The following CNTNAP2 variants were observed in gnomAD, a reference collection of about 807,000 sequenced individuals.
The protein encoded by CNTNAP2 is contactin-associated protein-like 2.
Under a neutral mutation model 155.2 loss-of-function variants are expected in CNTNAP2, and 98 were observed. The ratio of observed to expected loss-of-function variants is 0.63; its 90% CI spans 0.54 to 0.75. CNTNAP2 has a LOEUF of 0.75. CNTNAP2 is among the 30% of genes least tolerant of loss of function. The probability of loss-of-function intolerance (pLI) is 0.00; values close to 1 mark genes in which losing one functional copy is unlikely to be tolerated. For missense variants in CNTNAP2, 1,727 were observed against 1,688.1 expected, an observed-to-expected ratio of 1.02 and a Z score of -0.40; for synonymous variants, 651 against 631.2, an observed-to-expected ratio of 1.03 and a Z score of -0.47.
Position 146,438,971 on chromosome 7 carries a change from A to G in CNTNAP2, c.97+321998A>G, listed in dbSNP as rs545003522. On this transcript the variant is annotated intron_variant, in intron 1 of 23. Transcript: ENST00000361727. ...TTCAGGCTATTTTCATACCTTAAGA[A>G]GTTTTCTTTTCTAATTTATTCATGT... Among the ~76,000 whole-genome samples the G allele has an allele frequency of 8.6e-5, 13 of 151,694 alleles. No homozygotes were observed. In the East Asian group the frequency reaches 2.3e-3, roughly 27 times the overall value.
rs528555649 is a variant in CNTNAP2, at chr7:147,943,969, G to T, written c.2256-33893G>T. On this transcript the variant is annotated intron_variant, in intron 14 of 23. Coordinates refer to ENST00000361727, the MANE Select transcript of CNTNAP2 (RefSeq NM_014141.6). Reference sequence around the variant, plus strand: ...AGGTACTCTAGCTAGCATCTCCATCGTTCAACTGTACCCCAGTATATCAAC... The same window carrying T: ...AGGTACTCTAGCTAGCATCTCCATCTTTCAACTGTACCCCAGTATATCAAC... Among the ~76,000 whole-genome samples the T allele has an allele frequency of 2.0e-5, 3 of 152,040 alleles. No homozygotes were observed. The South Asian group carries it at 6.2e-4, about 32-fold the overall frequency.
chr7:147,795,242 T>C (rs1232760030), intron 13 of CNTNAP2, among the ~76,000 whole-genome samples: 1 of 152,026 alleles, frequency 6.6e-6, no homozygotes, highest in Non-Finnish European at 1.5e-5. Flanking sequence ...CTAAAGTGTA[T>C]CTCCTGTAAA....
chr7:147,590,627 T>C (rs1439727337), intron 12 of CNTNAP2, among the ~76,000 whole-genome samples: 1 of 152,176 alleles, frequency 6.6e-6, no homozygotes, highest in African/African-American at 2.4e-5. Context: ...ATACAAATAC[T>C]GAGGATTCTG....
At chr7:146,681,731 A>G (rs575411608) in intron 1 of CNTNAP2, among the ~76,000 whole-genome samples, 1 of 152,142 alleles carries the variant, frequency 6.6e-6, no homozygotes, top group African/African-American at 2.4e-5. Flanking sequence ...CCTCCATGGC[A>G]CAAGTTTACC....
intron 1 of CNTNAP2, among the ~76,000 whole-genome samples, chr7:146,478,469 C>T (rs1796911999): frequency 6.6e-6 from 1 of 152,036 alleles, no homozygotes; most frequent in Admixed American, 6.6e-5. Context: ...GATTTGGTCT[C>T]ACATCAGTAG....
chr7:146,623,727 G>A (rs2129157103), intron 1 of CNTNAP2, among the ~76,000 whole-genome samples: 1 of 152,252 alleles, frequency 6.6e-6, no homozygotes, highest in Non-Finnish European at 1.5e-5. Flanking sequence ...CTGTGTGTGT[G>A]TACATAAGTT....
At chr7:146,159,705 A>G (rs974683089) in intron 1 of CNTNAP2, among the ~76,000 whole-genome samples, 19 of 152,232 alleles carry the variant, frequency 1.2e-4, no homozygotes, top group African/African-American at 4.6e-4. Flanking sequence ...CTAAATATAT[A>G]TGCACCCAAT....
intron 3 of CNTNAP2, among the ~76,000 whole-genome samples, chr7:146,983,366 C>T (rs1798054847): frequency 6.6e-6 from 1 of 151,934 alleles, no homozygotes; most frequent in African/African-American, 2.4e-5. Flanking sequence ...TCAGGAAATT[C>T]AACACTTTCT....
chr7:147,699,997 C>G (rs185549974), intron 13 of CNTNAP2, among the ~76,000 whole-genome samples: 2 of 152,260 alleles, frequency 1.3e-5, no homozygotes, highest in Middle Eastern at 3.4e-3. Flanking sequence ...CATCCACCCA[C>G]TCTTCTTAAT....
chr7:147,048,049 T>TCA (rs1184833053), intron 4 of CNTNAP2, among the ~76,000 whole-genome samples: 1 of 150,170 alleles, frequency 6.7e-6, no homozygotes, highest in Non-Finnish European at 1.5e-5. Flanking sequence ...AAGTTAACAA[T>TCA]CATGACACGG....
At chr7:147,733,885 A>T (rs935083258) in intron 13 of CNTNAP2, among the ~76,000 whole-genome samples, 1 of 152,210 alleles carries the variant, frequency 6.6e-6, no homozygotes, top group Non-Finnish European at 1.5e-5. Context: ...GACTTTGCTG[A>T]AATTGCTTAT....
At chr7:147,400,836 A>G (rs954623192) in intron 10 of CNTNAP2, among the ~76,000 whole-genome samples, 2 of 152,216 alleles carry the variant, frequency 1.3e-5, no homozygotes, top group Non-Finnish European at 2.9e-5. Flanking sequence ...ACTAACTTGT[A>G]TGTGAAAAAT....
At chr7:147,678,159 A>G (rs948583266) in intron 13 of CNTNAP2, among the ~76,000 whole-genome samples, 3 of 151,870 alleles carry the variant, frequency 2.0e-5, no homozygotes, top group Non-Finnish European at 4.4e-5. Flanking sequence ...TTTTATAGAC[A>G]TACATTTCCA....
Position 146,704,072 on chromosome 7 carries a change from A to T in CNTNAP2, c.98-70199A>T, listed in dbSNP as rs1297752843. On this transcript the variant is annotated intron_variant, in intron 1 of 23. Transcript: ENST00000361727. ...AAATAGACTCTGAACAAATTAATAT[A>T]AAAAATGCAGCTCTAAGAGAAAAGA... Among the ~76,000 whole-genome samples, 3 of 152,186 alleles carry T rather than the reference A, an allele frequency of 2.0e-5. No individual in the cohort carries two copies. In the East Asian group the frequency reaches 5.8e-4, roughly 29 times the overall value.
At chr7:146,702,661 C>T (rs1271944666) in intron 1 of CNTNAP2, among the ~76,000 whole-genome samples, 2 of 152,128 alleles carry the variant, frequency 1.3e-5, no homozygotes, top group Admixed American at 1.3e-4. Context: ...GCCTAATATA[C>T]TTTATTAGAT....
At chr7:146,369,802 T>A (rs1017342129) in intron 1 of CNTNAP2, among the ~76,000 whole-genome samples, 4 of 152,118 alleles carry the variant, frequency 2.6e-5, no homozygotes, top group African/African-American at 7.2e-5. Flanking sequence ...TTTTATAATA[T>A]ATCACATTTA....
At chr7:147,098,214 C>T (rs917698775) in intron 4 of CNTNAP2, among the ~76,000 whole-genome samples, 9 of 152,180 alleles carry the variant, frequency 5.9e-5, no homozygotes, top group Non-Finnish European at 1.0e-4. Flanking sequence ...CCTGGACATG[C>T]ATTTTCCACT....
At chr7:147,032,474 T>G (rs1274200474) in intron 3 of CNTNAP2, among the ~76,000 whole-genome samples, 1 of 152,230 alleles carries the variant, frequency 6.6e-6, no homozygotes, top group Non-Finnish European at 1.5e-5. Flanking sequence ...GTTTGTCTTC[T>G]GTTTCTGTGG....
chr7:146,483,334 T>C (rs1464869659), intron 1 of CNTNAP2, among the ~76,000 whole-genome samples: 30 of 126,488 alleles, frequency 2.4e-4, no homozygotes, highest in African/African-American at 3.7e-4. Context: ...TATATACATA[T>C]ATATATATTT....
Sources: allele counts gnomAD v4.1 joint callset (sites outside exome capture counted in the v4.1 genomes callset), GRCh38; gene constraint gnomAD v4.1.1; transcripts MANE v1.5; gene names NCBI Gene and HGNC (gene_info 2026-07-23, HGNC 2026-07-21).